GRAMD1C: variants seen among roughly 807,000 people sequenced by gnomAD.
GRAMD1C encodes the protein protein Aster-C.
A neutral mutation model predicts 97.8 loss-of-function variants in GRAMD1C; 89 were observed. The observed-to-expected ratio is 0.91, with a 90% CI of 0.77 to 1.09. GRAMD1C has a LOEUF of 1.09. Ranked by LOEUF, GRAMD1C falls within the 50% of genes least tolerant of loss-of-function variation. The probability of loss-of-function intolerance (pLI) is 0.00; values close to 1 mark genes in which losing one functional copy is unlikely to be tolerated. For missense variants in GRAMD1C, 740 were observed against 766.4 expected, an observed-to-expected ratio of 0.97 and a Z score of 0.41; for synonymous variants, 256 against 267.0, an observed-to-expected ratio of 0.96 and a Z score of 0.40.
chr3:113,924,091 G>GTT (rs34202021), intron 10 of GRAMD1C, among the ~76,000 whole-genome samples: 15,754 of 133,470 alleles, frequency 0.12, 1,220 homozygotes, highest in East Asian at 0.28. Flanking sequence ...AGTCTCTGGG[G>GTT]TTTTTTTTTT....
chr3:113,890,859 A>G (rs1187283068), intron 6 of GRAMD1C: 1 of 589,512 alleles, frequency 1.7e-6, no homozygotes, highest in Non-Finnish European at 3.1e-6. Context: ...TCTTCACTTT[A>G]ATGAAGAAGA....
intron 10 of GRAMD1C, among the ~76,000 whole-genome samples, chr3:113,918,462 G>T (rs1936918064): frequency 6.6e-6 from 1 of 152,168 alleles, no homozygotes; most frequent in Admixed American, 6.5e-5. Flanking sequence ...AAACACAACT[G>T]CATTTGTTTT....
intron 2 of GRAMD1C, among the ~76,000 whole-genome samples, chr3:113,863,915 C>G (rs1256208392): frequency 2.6e-5 from 4 of 152,148 alleles, no homozygotes; most frequent in Non-Finnish European, 5.9e-5. Flanking sequence ...CTATATTAAT[C>G]TCCAAATAGT....
intron 10 of GRAMD1C, among the ~76,000 whole-genome samples, chr3:113,927,022 T>G (rs982089457): frequency 6.6e-6 from 1 of 152,066 alleles, no homozygotes; most frequent in South Asian, 2.1e-4. Context: ...GATGGCATGG[T>G]GGGGTGCTTG....
intron 1 of GRAMD1C, among the ~76,000 whole-genome samples, chr3:113,833,679 T>C (rs1709593223): frequency 6.6e-6 from 1 of 152,094 alleles, no homozygotes; most frequent in African/African-American, 2.4e-5. Context: ...TATTGTAGAG[T>C]AGGGGATGGT....
At position 113,926,465 on chromosome 3, in the gene GRAMD1C, C is replaced by T. The variant is rs532231163; in HGVS notation, c.1091-4249C>T. On this transcript the variant is annotated intron_variant, in intron 10 of 17. Coordinates refer to ENST00000358160, the MANE Select transcript of GRAMD1C (RefSeq NM_017577.5). ...TTCTTGGATTGGGTTTTGAGTTTCT[C>T]CTGAATTTCAATGATTTTCATTCCT... Among the ~76,000 whole-genome samples, 19 of 152,188 alleles carry T rather than the reference C, an allele frequency of 1.2e-4. 1 individual carries two copies. In the South Asian group the frequency reaches 3.1e-3, roughly 25 times the overall value.
intron 10 of GRAMD1C, among the ~76,000 whole-genome samples, chr3:113,917,856 C>CTT (rs71144097): frequency 0.055 from 2,320 of 41,914 alleles, 153 homozygotes; most frequent in Non-Finnish European, 0.07. Flanking sequence ...CCATGCTTGG[C>CTT]TTTTTTTTTT....
At chr3:113,887,149 A>G (rs1185401493) in intron 6 of GRAMD1C, among the ~76,000 whole-genome samples, 1 of 130,478 alleles carries the variant, frequency 7.7e-6, no homozygotes, top group Non-Finnish European at 1.5e-5. Context: ...GCTGGAGTGC[A>G]GTGGTGGCAC....
chr3:113,841,188 A>AC (rs1709776275), intron 1 of GRAMD1C, among the ~76,000 whole-genome samples: 1 of 152,036 alleles, frequency 6.6e-6, no homozygotes. Context: ...ACCATGAGGT[A>AC]CCATTCATTC....
chr3:113,896,926 A>G (rs1390763504), intron 6 of GRAMD1C, among the ~76,000 whole-genome samples: 2 of 152,222 alleles, frequency 1.3e-5, no homozygotes, highest in African/African-American at 4.8e-5. Context: ...TGTACTGTCT[A>G]TTATAGTCCA....
intron 8 of GRAMD1C, 72 bp downstream of exon 8, chr3:113,904,344 G>T: frequency 9.5e-7 from 1 of 1,058,092 alleles, no homozygotes; most frequent in Admixed American, 2.1e-5. Context: ...AGATAAATAA[G>T]GATACAGTAT....
chr3:113,843,522 C>T (rs1258384251), intron 1 of GRAMD1C, among the ~76,000 whole-genome samples: 1 of 152,132 alleles, frequency 6.6e-6, no homozygotes. Context: ...CTCTGTCACC[C>T]AGGCTGGCAT....
chr3:113,916,126 A>G (rs1310410912), intron 10 of GRAMD1C, among the ~76,000 whole-genome samples: 1 of 152,228 alleles, frequency 6.6e-6, no homozygotes, highest in African/African-American at 2.4e-5. Context: ...ACTCAATTCA[A>G]AATGGTTTCA....
intron 10 of GRAMD1C, chr3:113,919,886 A>G: frequency 1.5e-6 from 1 of 651,918 alleles, no homozygotes; most frequent in East Asian, 3.7e-5. Context: ...TGGACCCAGT[A>G]CCACAGCAGA....
chr3:113,914,493 C>T (rs1936727872), intron 9 of GRAMD1C, among the ~76,000 whole-genome samples: 1 of 152,160 alleles, frequency 6.6e-6, no homozygotes, highest in Non-Finnish European at 1.5e-5. Context: ...TTGACAGATG[C>T]TTTACCCAGA....
chr3:113,940,384 T>TC (rs768891906), intron 17 of GRAMD1C, 39 bp downstream of exon 17: 2 of 1,067,658 alleles, frequency 1.9e-6, no homozygotes, highest in East Asian at 4.7e-5. Flanking sequence ...AGTATCTTTG[T>TC]CCCAGTATGA....
intron 10 of GRAMD1C, among the ~76,000 whole-genome samples, chr3:113,926,845 TC>T (rs1937244658): frequency 6.6e-6 from 1 of 152,250 alleles, no homozygotes; most frequent in East Asian, 1.9e-4. Flanking sequence ...GTTTTGTGTG[TC>T]CCCAGCTTTG....
chr3:113,947,059 G>A lies in GRAMD1C; in HGVS notation c.*1581G>A, dbSNP rs1204887958. On this transcript the variant is annotated 3_prime_UTR_variant, in exon 18 of 18. Transcript: ENST00000358160. Reference sequence around the variant, plus strand: ...ATTTTATAACATACTTCAAGGAAGAGTATCGAAGTAAGTTGCTTTATAAAT... The same window carrying A: ...ATTTTATAACATACTTCAAGGAAGAATATCGAAGTAAGTTGCTTTATAAAT... 3 of 152,210 alleles carry A rather than the reference G, an allele frequency of 2.0e-5. No homozygotes were observed. Among genetic ancestry groups the A allele is most frequent in the Admixed American group, 2.0e-4 (3 of 15,284 alleles). The allele number at this position is 152,210 out of a possible 1,614,324, so 9.4% of individuals were successfully genotyped here.
intron 6 of GRAMD1C, among the ~76,000 whole-genome samples, chr3:113,887,085 GTTTTTTTTTTGTT>G (rs1935526024): frequency 1.4e-5 from 1 of 71,456 alleles, no homozygotes; most frequent in Non-Finnish European, 2.9e-5. Flanking sequence ...TGGCCTTTTT[GTTTTTTTTTTGTT>G]TTTTTTTTTT....
Sources: allele counts gnomAD v4.1 joint callset (sites outside exome capture counted in the v4.1 genomes callset), GRCh38; gene constraint gnomAD v4.1.1; transcripts MANE v1.5; gene names NCBI Gene and HGNC (gene_info 2026-07-23, HGNC 2026-07-21).